HCN1: variants seen among roughly 807,000 people sequenced by gnomAD.
HCN1 encodes potassium/sodium hyperpolarization-activated cyclic nucleotide-gated channel 1.
Under a neutral mutation model 78.9 loss-of-function variants are expected in HCN1, and 13 were observed. That is an observed-to-expected ratio of 0.16 (90% CI 0.11 to 0.26). HCN1 has a LOEUF of 0.26. Ranked by LOEUF, HCN1 falls within the 10% of genes least tolerant of loss-of-function variation. HCN1 has a pLI of 1.00. For synonymous variants in HCN1, 552 were observed against 455.5 expected (o/e 1.21, Z -2.70); for missense variants, 810 against 1,154.3 (o/e 0.70, Z 4.32).
rs1467671510 is a variant in HCN1 at position 45,621,537 on chromosome 5, A to C, written c.849+23648T>G. Among the ~76,000 whole-genome samples the C allele has an allele frequency of 2.0e-5, 3 of 152,264 alleles. No individual in the cohort carries two copies. In the East Asian group the frequency reaches 5.8e-4, roughly 29 times the overall value. On this transcript the variant is annotated intron_variant, in intron 2 of 7. Transcript: ENST00000303230. ...CCTGAATAATTGTAAAGCATGGGGG[A>C]TAAAAAATCTAATGGAGCTTTATTA...
chr5:45,429,465 G>A (rs1034298960), intron 3 of HCN1, among the ~76,000 whole-genome samples: 1 of 152,112 alleles, frequency 6.6e-6, no homozygotes, highest in Admixed American at 6.6e-5. Context: ...GCTAATGGCT[G>A]GGGAGGGAGA....
intron 2 of HCN1, among the ~76,000 whole-genome samples, chr5:45,504,267 C>A (rs1256619052): frequency 2.6e-5 from 4 of 152,088 alleles, no homozygotes; most frequent in Non-Finnish European, 1.5e-5. Context: ...CACCCCACAA[C>A]AGGCCCCGGT....
chr5:45,292,773 G>A (rs1745406468), intron 6 of HCN1, among the ~76,000 whole-genome samples: 1 of 151,910 alleles, frequency 6.6e-6, no homozygotes, highest in African/African-American at 2.4e-5. Context: ...AAGATTAAGA[G>A]CAGTGACAAA....
At chr5:45,575,860 G>T (rs1188829792) in intron 2 of HCN1, 1 of 152,054 alleles carries the variant, frequency 6.6e-6, no homozygotes, top group Non-Finnish European at 1.5e-5. Flanking sequence ...ATGCTTCAAA[G>T]AGTATTTTCA....
At position 45,672,380 on chromosome 5, in the gene HCN1, A is replaced by T. The variant is rs1852593; in HGVS notation, c.425+23289T>A. 2.0e-5 allele frequency among the ~76,000 whole-genome samples: 3 copies of T among 151,394 alleles called. No homozygotes were observed. The South Asian group carries it at 6.2e-4, about 31-fold the overall frequency. On this transcript the variant is annotated intron_variant, in intron 1 of 7. Coordinates refer to ENST00000303230, the MANE Select transcript of HCN1 (RefSeq NM_021072.4). ...AAATGATAGTAAAAGCTTCTTTAGG[A>T]CTCAGTGAGCTTGAACAGACAGAAG...
At chr5:45,319,948 C>G (rs1746089368) in intron 5 of HCN1, among the ~76,000 whole-genome samples, 2 of 151,910 alleles carry the variant, frequency 1.3e-5, no homozygotes, top group East Asian at 1.9e-4. Context: ...CGTGAAACCT[C>G]TAATTCAGCT....
At chr5:45,374,781 T>G (rs1330935905) in intron 4 of HCN1, among the ~76,000 whole-genome samples, 1 of 146,852 alleles carries the variant, frequency 6.8e-6, no homozygotes, top group African/African-American at 2.5e-5. Context: ...TATATATATA[T>G]ATGTGTGTAT....
At chr5:45,544,243 T>G (rs2111836523) in intron 2 of HCN1, among the ~76,000 whole-genome samples, 1 of 152,210 alleles carries the variant, frequency 6.6e-6, no homozygotes, top group South Asian at 2.1e-4. Context: ...TATAAAGTAG[T>G]ACAAAGTTCA....
chr5:45,695,953 C>A lies in HCN1; in HGVS notation c.141G>T (p.Gly47=). 2 of 1,334,936 alleles carry A rather than the reference C, an allele frequency of 1.5e-6. No individual in the cohort carries two copies. Among genetic ancestry groups the A allele is most frequent in the South Asian group, 3.9e-5 (2 of 50,780 alleles). The allele number at this position is 1,334,936 out of a possible 1,614,324, so 82.7% of individuals were successfully genotyped here. ...AGTTGCCGTGCTCCTTCGCGCCGGC[C>A]CCGCCGCCCCCCGGCGGGGTGCCCA... ...KRLGTPPGGG[G]AGAKEHGNSV... Residue 47 remains glycine (G), a synonymous_variant, in exon 1 of 8, where the codon GGG becomes GGT. Coordinates refer to ENST00000303230, the MANE Select transcript of HCN1 (RefSeq NM_021072.4).
At chr5:45,344,454 G>A (rs1014005261) in intron 5 of HCN1, among the ~76,000 whole-genome samples, 1 of 152,094 alleles carries the variant, frequency 6.6e-6, no homozygotes, top group Non-Finnish European at 1.5e-5. Flanking sequence ...AAAGTCAACA[G>A]TGCAAAGTCT....
chr5:45,449,929 T>A (rs543882128), intron 3 of HCN1, among the ~76,000 whole-genome samples: 1 of 152,104 alleles, frequency 6.6e-6, no homozygotes, highest in South Asian at 2.1e-4. Flanking sequence ...GCCTCCAGGG[T>A]TCACGCCATT....
intron 2 of HCN1, among the ~76,000 whole-genome samples, chr5:45,604,214 C>G (rs1477656445): frequency 6.6e-6 from 1 of 152,086 alleles, no homozygotes; most frequent in Non-Finnish European, 1.5e-5. Flanking sequence ...TACAACAACT[C>G]TGTGAGATAG....
chr5:45,409,994 C>T (rs1336634723), intron 3 of HCN1, among the ~76,000 whole-genome samples: 4 of 151,596 alleles, frequency 2.6e-5, no homozygotes, highest in Non-Finnish European at 5.9e-5. Flanking sequence ...AAAACAAAAA[C>T]AAAACAAACA....
chr5:45,608,487 A>C (rs1257276289), intron 2 of HCN1, among the ~76,000 whole-genome samples: 3 of 151,890 alleles, frequency 2.0e-5, no homozygotes, highest in Non-Finnish European at 4.4e-5. Context: ...TTGAGCAGGA[A>C]AATTTGCCTT....
chr5:45,366,218 G>A (rs1025741868), intron 4 of HCN1, among the ~76,000 whole-genome samples: 1 of 150,740 alleles, frequency 6.6e-6, no homozygotes, highest in African/African-American at 2.4e-5. Context: ...TTCTTTGTAT[G>A]TTATGTGTGT....
At chr5:45,528,079 A>C (rs1026787850) in intron 2 of HCN1, among the ~76,000 whole-genome samples, 2 of 151,992 alleles carry the variant, frequency 1.3e-5, no homozygotes, top group Non-Finnish European at 2.9e-5. Context: ...TAATCTTGTA[A>C]GTAAATTTAG....
intron 2 of HCN1, among the ~76,000 whole-genome samples, chr5:45,474,688 C>A (rs953581601): frequency 6.6e-6 from 1 of 151,816 alleles, no homozygotes; most frequent in African/African-American, 2.4e-5. Flanking sequence ...AGTTTTTTAG[C>A]CTACATATTT....
intron 5 of HCN1, among the ~76,000 whole-genome samples, chr5:45,335,250 A>G (rs1221353926): frequency 6.6e-6 from 1 of 152,090 alleles, no homozygotes; most frequent in East Asian, 1.9e-4. Flanking sequence ...AAGTCTGCTC[A>G]TGTTAAAAAT....
intron 2 of HCN1, among the ~76,000 whole-genome samples, chr5:45,551,864 A>G (rs553212293): frequency 1.3e-5 from 2 of 151,964 alleles, no homozygotes; most frequent in Non-Finnish European, 2.9e-5. Context: ...CTGTCTGGCT[A>G]TTTTTAAAAC....
Sources: gnomAD v4.1 joint callset for allele counts (sites outside exome capture counted in the v4.1 genomes callset) on GRCh38, gnomAD v4.1.1 for gene constraint, MANE v1.5 for transcripts, NCBI Gene and HGNC (gene_info 2026-07-23, HGNC 2026-07-21) for gene names.